Variants in EBF1 observed in about 807,000 individuals in gnomAD.
The protein encoded by EBF1 is EBF transcription factor 1.
EBF1 carries 10 observed loss-of-function variants against 68.4 expected under a neutral mutation model. The ratio of observed to expected loss-of-function variants is 0.15; its 90% CI spans 0.09 to 0.25. The LOEUF (loss-of-function observed/expected upper bound fraction) is 0.25, where lower values mean the gene tolerates loss of function less well. Among genes scored for constraint, EBF1 ranks in the 10% least tolerant of loss-of-function variants. The probability of loss-of-function intolerance (pLI) is 1.00; values close to 1 mark genes in which losing one functional copy is unlikely to be tolerated. For synonymous variants in EBF1, 298 were observed against 299.8 expected (o/e 0.99, Z 0.06); for missense variants, 509 against 794.4 (o/e 0.64, Z 4.32).
At chr5:158,904,402 T>C (rs1804108874) in intron 6 of EBF1, among the ~76,000 whole-genome samples, 1 of 152,154 alleles carries the variant, frequency 6.6e-6, no homozygotes. Flanking sequence ...TTTTCTTGTG[T>C]TGCAAGCCCA....
intron 6 of EBF1, among the ~76,000 whole-genome samples, chr5:159,061,134 T>TATG (rs2127868936): frequency 6.6e-6 from 1 of 152,200 alleles, no homozygotes; most frequent in East Asian, 1.9e-4. Context: ...TTATTATTAT[T>TATG]ATTATCATAT....
At chr5:158,718,158 T>C (rs1167199948) in intron 11 of EBF1, among the ~76,000 whole-genome samples, 1 of 152,214 alleles carries the variant, frequency 6.6e-6, no homozygotes, top group East Asian at 1.9e-4. Flanking sequence ...TTGAGCTTCT[T>C]GTTGCCCTTG....
intron 5 of EBF1, among the ~76,000 whole-genome samples, chr5:159,083,448 C>T (rs918786216): frequency 6.6e-6 from 1 of 152,048 alleles, no homozygotes; most frequent in Non-Finnish European, 1.5e-5. Flanking sequence ...TAATAGTTAA[C>T]AAGTTTTACA....
intron 6 of EBF1, among the ~76,000 whole-genome samples, chr5:158,884,635 G>A (rs17543668): frequency 0.071 from 10,846 of 152,154 alleles, 531 homozygotes; most frequent in Non-Finnish European, 0.1. Flanking sequence ...AGACACACCC[G>A]ACTCAGCCTT....
intron 6 of EBF1, among the ~76,000 whole-genome samples, chr5:159,060,583 T>C (rs1447318040): frequency 2.0e-5 from 3 of 152,212 alleles, no homozygotes; most frequent in African/African-American, 4.8e-5. Context: ...TTTTTTTTCT[T>C]TTTGCATGCT....
intron 6 of EBF1, among the ~76,000 whole-genome samples, chr5:158,959,446 C>T (rs760320284): frequency 5.9e-5 from 9 of 151,952 alleles, no homozygotes; most frequent in Non-Finnish European, 1.0e-4. Flanking sequence ...AGTGTGCCAC[C>T]ACACCTGGAA....
At chr5:158,782,533 C>T (rs184959928) in intron 9 of EBF1, among the ~76,000 whole-genome samples, 7 of 152,060 alleles carry the variant, frequency 4.6e-5, no homozygotes, top group Non-Finnish European at 7.4e-5. Flanking sequence ...TGGCAGCATG[C>T]GCCTGTAGTC....
intron 6 of EBF1, among the ~76,000 whole-genome samples, chr5:158,942,064 TGAGA>T (rs1449058856): frequency 6.6e-6 from 1 of 152,198 alleles, no homozygotes; most frequent in Non-Finnish European, 1.5e-5. Flanking sequence ...ACACTGAAAA[TGAGA>T]AAGAAAGCAG....
At chr5:158,929,154 G>T (rs754399335) in intron 6 of EBF1, among the ~76,000 whole-genome samples, 16 of 152,144 alleles carry the variant, frequency 1.1e-4, no homozygotes, top group Non-Finnish European at 2.2e-4. Flanking sequence ...TCAGTGTGTG[G>T]CAGAAAAATC....
At chr5:159,072,871 A>G (rs570878852) in intron 6 of EBF1, among the ~76,000 whole-genome samples, 79 of 152,286 alleles carry the variant, frequency 5.2e-4, no homozygotes, top group Admixed American at 9.2e-4. Flanking sequence ...AACTTACAAT[A>G]TGGTCTCATA....
intron 6 of EBF1, among the ~76,000 whole-genome samples, chr5:159,012,837 T>A (rs987551755): frequency 6.6e-6 from 1 of 152,150 alleles, no homozygotes; most frequent in Non-Finnish European, 1.5e-5. Flanking sequence ...TAAAATTAAA[T>A]AAGGTCATTG....
intron 6 of EBF1, among the ~76,000 whole-genome samples, chr5:159,057,872 G>A (rs983438704): frequency 1.3e-5 from 2 of 152,134 alleles, no homozygotes; most frequent in Admixed American, 6.5e-5. Context: ...CCATATTTGT[G>A]AAATGATACA....
chr5:159,047,120 G>A (rs1237464576), intron 6 of EBF1, among the ~76,000 whole-genome samples: 1 of 152,212 alleles, frequency 6.6e-6, no homozygotes, highest in African/African-American at 2.4e-5. Flanking sequence ...GCTCCTGGCT[G>A]CATGGGGCTT....
intron 6 of EBF1, among the ~76,000 whole-genome samples, chr5:158,992,742 G>A (rs950529748): frequency 2.0e-5 from 3 of 151,946 alleles, no homozygotes; most frequent in East Asian, 1.9e-4. Context: ...TCCTTTGCAT[G>A]TAACTAAAAA....
At position 158,994,692 on chromosome 5, in the gene EBF1, T is replaced by A. The variant is rs143329705; in HGVS notation, c.554+78704A>T. 3.3e-5 allele frequency among the ~76,000 whole-genome samples: 5 copies of A among 152,360 alleles called. No homozygotes were observed. In the East Asian group the frequency reaches 9.6e-4, roughly 29 times the overall value. ...ACCATTTTACATTTTATCATTGGAATGGTTATTTTATCAGAAATTCATTTC... is the reference window on the plus strand; with the variant it reads ...ACCATTTTACATTTTATCATTGGAAAGGTTATTTTATCAGAAATTCATTTC... On this transcript the variant is annotated intron_variant, in intron 6 of 15. Transcript: ENST00000313708.
At position 159,014,398 on chromosome 5, in the gene EBF1, G is replaced by A. The variant is rs531324068; in HGVS notation, c.554+58998C>T. 3.3e-5 allele frequency among the ~76,000 whole-genome samples: 5 copies of A among 152,294 alleles called. No individual in the cohort carries two copies. In the East Asian group the frequency reaches 7.7e-4, roughly 24 times the overall value. On this transcript the variant is annotated intron_variant, in intron 6 of 15. Transcript: ENST00000313708. ...TAAAAAGAGCTATGTTTTAAATGATGCCAACTATAGGACATTATGCTAAAT... is the reference window on the plus strand; with the variant it reads ...TAAAAAGAGCTATGTTTTAAATGATACCAACTATAGGACATTATGCTAAAT...
At chr5:158,919,932 C>T (rs1808035380) in intron 6 of EBF1, among the ~76,000 whole-genome samples, 1 of 152,082 alleles carries the variant, frequency 6.6e-6, no homozygotes, top group Non-Finnish European at 1.5e-5. Flanking sequence ...ATATGCATTG[C>T]CCATAGCCCC....
intron 13 of EBF1, 91 bp from the exon 14 acceptor site, chr5:158,712,424 GC>G: frequency 1.4e-6 from 2 of 1,446,904 alleles, no homozygotes; most frequent in East Asian, 4.9e-5. Flanking sequence ...TCTGTTTCTG[GC>G]CCCGTCGCCG....
chr5:158,910,738 C>T (rs1805790137), intron 6 of EBF1, among the ~76,000 whole-genome samples: 1 of 152,120 alleles, frequency 6.6e-6, no homozygotes, highest in African/African-American at 2.4e-5. Context: ...AGATTGTGAG[C>T]CCTGTCTTCT....
Sources: allele counts gnomAD v4.1 joint callset (sites outside exome capture counted in the v4.1 genomes callset), GRCh38; gene constraint gnomAD v4.1.1; transcripts MANE v1.5; gene names NCBI Gene and HGNC (gene_info 2026-07-23, HGNC 2026-07-21).